The following LRRC4C variants were observed in gnomAD, a reference collection of about 807,000 sequenced individuals.
LRRC4C encodes leucine-rich repeat-containing protein 4C.
LRRC4C carries 5 observed loss-of-function variants against 33.6 expected under a neutral mutation model. That is an observed-to-expected ratio of 0.15 (90% confidence interval 0.08 to 0.31). The LOEUF is 0.31. LRRC4C is among the 10% of genes least tolerant of loss of function. The pLI is 1.00. For missense variants in LRRC4C, 560 were observed against 796.7 expected, an observed-to-expected ratio of 0.70 and a Z score of 3.58; for synonymous variants, 329 against 302.0, an observed-to-expected ratio of 1.09 and a Z score of -0.93.
chr11:40,933,230 T>C (rs1289293930), intron 2 of LRRC4C, among the ~76,000 whole-genome samples: 1 of 152,210 alleles, frequency 6.6e-6, no homozygotes, highest in Non-Finnish European at 1.5e-5. Context: ...AATGTTTTAC[T>C]AGAAGCAGAG....
At chr11:40,499,292 T>C (rs1487551368) in intron 3 of LRRC4C, among the ~76,000 whole-genome samples, 3 of 152,138 alleles carry the variant, frequency 2.0e-5, no homozygotes, top group African/African-American at 7.2e-5. Flanking sequence ...AACTTCCATA[T>C]GGCCACCAGG....
intron 1 of LRRC4C, among the ~76,000 whole-genome samples, chr11:41,108,349 C>T (rs374205264): frequency 5.9e-5 from 9 of 152,040 alleles, no homozygotes; most frequent in Non-Finnish European, 1.3e-4. Context: ...AGCCTTACCA[C>T]GATTTGTGCT....
chr11:41,209,766 A>C (rs2136307870), intron 1 of LRRC4C, among the ~76,000 whole-genome samples: 1 of 152,320 alleles, frequency 6.6e-6, no homozygotes, highest in African/African-American at 2.4e-5. Context: ...GAGGAGCATA[A>C]ATTCTGGGAC....
chr11:40,803,649 T>C (rs1447087837), intron 2 of LRRC4C, among the ~76,000 whole-genome samples: 1 of 152,192 alleles, frequency 6.6e-6, no homozygotes, highest in Non-Finnish European at 1.5e-5. Flanking sequence ...AGTCTCGCTC[T>C]GTCACCCAGA....
chr11:40,242,742 G>T (rs921369435), intron 4 of LRRC4C, among the ~76,000 whole-genome samples: 5 of 151,312 alleles, frequency 3.3e-5, no homozygotes, highest in Non-Finnish European at 7.4e-5. Flanking sequence ...ACACAATGTG[G>T]TCAACACAGA....
chr11:40,371,190 T>C (rs184566562), intron 3 of LRRC4C, among the ~76,000 whole-genome samples: 12 of 152,170 alleles, frequency 7.9e-5, no homozygotes, highest in African/African-American at 2.9e-4. Context: ...CTTTCTAATT[T>C]AAAAATGTCA....
intron 2 of LRRC4C, among the ~76,000 whole-genome samples, chr11:40,658,677 G>T (rs1943257873): frequency 6.6e-6 from 1 of 152,166 alleles, no homozygotes; most frequent in Admixed American, 6.5e-5. Flanking sequence ...TCCTCTCTGG[G>T]GGTCCTTAAA....
At chr11:41,455,301 A>G (rs1263951878) in intron 1 of LRRC4C, among the ~76,000 whole-genome samples, 1 of 152,086 alleles carries the variant, frequency 6.6e-6, no homozygotes, top group African/African-American at 2.4e-5. Flanking sequence ...TAGTCTGTGT[A>G]TGTCCAAGTC....
At chr11:40,674,414 G>A (rs1944288730) in intron 2 of LRRC4C, among the ~76,000 whole-genome samples, 1 of 152,142 alleles carries the variant, frequency 6.6e-6, no homozygotes, top group African/African-American at 2.4e-5. Flanking sequence ...AATCTAGCAT[G>A]TTGTTCTGAA....
chr11:40,649,759 G>C (rs1942675732), intron 2 of LRRC4C, among the ~76,000 whole-genome samples: 1 of 152,172 alleles, frequency 6.6e-6, no homozygotes, highest in Non-Finnish European at 1.5e-5. Context: ...GTAAAGACAG[G>C]AGTAAGAAAT....
chr11:40,940,377 A>C (rs1294856482), intron 1 of LRRC4C, among the ~76,000 whole-genome samples: 1 of 152,154 alleles, frequency 6.6e-6, no homozygotes, highest in Non-Finnish European at 1.5e-5. Context: ...GCGGGAAACA[A>C]TGTATGATGG....
intron 1 of LRRC4C, among the ~76,000 whole-genome samples, chr11:40,936,038 AT>A (rs1565219247): frequency 0.023 from 1,466 of 64,950 alleles, 104 homozygotes; most frequent in Non-Finnish European, 0.034. Context: ...ATATATATAT[AT>A]ATATATATAT....
At chr11:41,307,073 G>A (rs1950524966) in intron 1 of LRRC4C, among the ~76,000 whole-genome samples, 1 of 152,176 alleles carries the variant, frequency 6.6e-6, no homozygotes, top group African/African-American at 2.4e-5. Flanking sequence ...AGCAGCTCAA[G>A]AGAAAAGGAA....
chr11:41,438,873 T>C (rs1955524817), intron 1 of LRRC4C, among the ~76,000 whole-genome samples: 1 of 152,178 alleles, frequency 6.6e-6, no homozygotes, highest in African/African-American at 2.4e-5. Context: ...GATAAATTGG[T>C]AGGTGTTTTT....
intron 1 of LRRC4C, among the ~76,000 whole-genome samples, chr11:41,134,589 G>A (rs1163059508): frequency 6.6e-6 from 1 of 152,138 alleles, no homozygotes; most frequent in Non-Finnish European, 1.5e-5. Context: ...GAGATGTATT[G>A]TCTCATACCT....
At chr11:40,343,682 A>C (rs1421619282) in intron 3 of LRRC4C, among the ~76,000 whole-genome samples, 1 of 149,588 alleles carries the variant, frequency 6.7e-6, no homozygotes, top group Non-Finnish European at 1.5e-5. Flanking sequence ...AACTTACAAA[A>C]GAATAACGAA....
intron 6 of LRRC4C, among the ~76,000 whole-genome samples, chr11:40,121,070 G>A (rs575532925): frequency 9.2e-5 from 14 of 152,192 alleles, no homozygotes; most frequent in Non-Finnish European, 2.1e-4. Flanking sequence ...GAGACACTCA[G>A]TTTCTTCCTA....
intron 1 of LRRC4C, among the ~76,000 whole-genome samples, chr11:41,346,564 A>G (rs1951810002): frequency 6.6e-6 from 1 of 152,188 alleles, no homozygotes; most frequent in Admixed American, 6.5e-5. Flanking sequence ...TTATCAAACC[A>G]ATACTATTGT....
At chr11:40,219,785 T>C (rs1864270524) in intron 5 of LRRC4C, among the ~76,000 whole-genome samples, 2 of 152,098 alleles carry the variant, frequency 1.3e-5, no homozygotes, top group South Asian at 4.1e-4. Context: ...TGCAAATATG[T>C]AGGATGAATA....
Sources: gnomAD v4.1 joint callset for allele counts (sites outside exome capture counted in the v4.1 genomes callset) on GRCh38, gnomAD v4.1.1 for gene constraint, MANE v1.5 for transcripts, NCBI Gene and HGNC (gene_info 2026-07-23, HGNC 2026-07-21) for gene names.